Variants in SUGCT observed in about 807,000 individuals in gnomAD.
SUGCT encodes succinyl-CoA:glutarate-CoA transferase.
In SUGCT, 41 loss-of-function variants were observed where a neutral mutation model predicts 55.0. The observed-to-expected ratio is 0.74, with a 90% confidence interval of 0.58 to 0.97. SUGCT has a LOEUF of 0.97. Ranked by LOEUF, SUGCT falls within the 50% of genes least tolerant of loss-of-function variation. The probability of loss-of-function intolerance (pLI) is 0.00; values close to 1 mark genes in which losing one functional copy is unlikely to be tolerated. For synonymous variants in SUGCT, 187 were observed against 200.4 expected (o/e 0.93, Z 0.56); for missense variants, 568 against 547.8 (o/e 1.04, Z -0.37).
chr7:40,732,157 T>G (rs1345965439), intron 12 of SUGCT, among the ~76,000 whole-genome samples: 1 of 152,168 alleles, frequency 6.6e-6, no homozygotes, highest in Non-Finnish European at 1.5e-5. Flanking sequence ...TATGAAGGCT[T>G]TAGGGGAGAA....
At chr7:40,816,327 C>G (rs1791668539) in intron 13 of SUGCT, among the ~76,000 whole-genome samples, 1 of 152,166 alleles carries the variant, frequency 6.6e-6, no homozygotes, top group South Asian at 2.1e-4. Flanking sequence ...CCTAGGCTAG[C>G]CTGGGGAAAA....
chr7:40,325,943 C>G (rs1796010990), intron 9 of SUGCT, among the ~76,000 whole-genome samples: 1 of 106,662 alleles, frequency 9.4e-6, no homozygotes, highest in Non-Finnish European at 1.8e-5. Context: ...TTCTTCTAAT[C>G]TGTTTCCATT....
At position 40,246,741 on chromosome 7, in the gene SUGCT, C is replaced by T. The variant is rs1584450139; in HGVS notation, c.576+9015C>T. Among the ~76,000 whole-genome samples the T allele has an allele frequency of 3.3e-5, 5 of 151,942 alleles. No individual in the cohort carries two copies. The East Asian group carries it at 9.7e-4, about 29-fold the overall frequency. Reference sequence around the variant, plus strand: ...CCTCCCAAGTAGCTGGAATTGCAGGCACACGCCACCATGCCTGGCTATTTT... The same window carrying T: ...CCTCCCAAGTAGCTGGAATTGCAGGTACACGCCACCATGCCTGGCTATTTT... On this transcript the variant is annotated intron_variant, in intron 7 of 13. Transcript: ENST00000335693.
the SUGCT span, among the ~76,000 whole-genome samples, chr7:40,902,475 G>T: frequency 2.0e-5 from 3 of 151,184 alleles, no homozygotes; most frequent in African/African-American, 7.3e-5. Context: ...AGCTACTTAG[G>T]AGGCTGAGGC....
intron 6 of SUGCT, among the ~76,000 whole-genome samples, chr7:40,196,980 A>T (rs923769585): frequency 1.3e-5 from 2 of 152,076 alleles, no homozygotes; most frequent in Non-Finnish European, 2.9e-5. Context: ...GATTACGGGC[A>T]TGTACCACCT....
chr7:40,871,327 A>G, the SUGCT span, among the ~76,000 whole-genome samples: 1 of 152,186 alleles, frequency 6.6e-6, no homozygotes, highest in African/African-American at 2.4e-5. Context: ...ATGTCTGAAC[A>G]TCATCCTCTG....
chr7:40,357,834 T>C (rs1445168754), intron 9 of SUGCT, among the ~76,000 whole-genome samples: 2 of 152,184 alleles, frequency 1.3e-5, no homozygotes, highest in African/African-American at 2.4e-5. Context: ...CATTTAAACA[T>C]GTAAAGAACA....
At chr7:40,372,443 T>C (rs773210292) in intron 9 of SUGCT, among the ~76,000 whole-genome samples, 2 of 152,124 alleles carry the variant, frequency 1.3e-5, no homozygotes, top group Non-Finnish European at 2.9e-5. Flanking sequence ...CTTAATTTGA[T>C]TTTTAAAAAT....
At chr7:40,862,910 C>T (rs1319629911), downstream of SUGCT, among the ~76,000 whole-genome samples, 1 of 152,010 alleles carries the variant, frequency 6.6e-6, no homozygotes, top group African/African-American at 2.4e-5. Context: ...TTTGATCCAT[C>T]TCCTAGGGGT....
intron 8 of SUGCT, among the ~76,000 whole-genome samples, chr7:40,298,605 C>T (rs779164872): frequency 2.6e-5 from 4 of 152,152 alleles, no homozygotes; most frequent in African/African-American, 9.7e-5. Context: ...GGATACACTG[C>T]AGTCATTTGT....
At chr7:40,250,177 T>C (rs919056129) in intron 7 of SUGCT, among the ~76,000 whole-genome samples, 1 of 152,018 alleles carries the variant, frequency 6.6e-6, no homozygotes, top group Non-Finnish European at 1.5e-5. Context: ...GCAGGAGGAT[T>C]GCTTCAGCTC....
chr7:40,914,129 TG>T, the SUGCT span, among the ~76,000 whole-genome samples: 1 of 151,992 alleles, frequency 6.6e-6, no homozygotes, highest in Non-Finnish European at 1.5e-5. Flanking sequence ...AATTTTTGTC[TG>T]GGGATTTTCC....
chr7:40,595,779 T>C (rs894373998), intron 12 of SUGCT, among the ~76,000 whole-genome samples: 1 of 152,202 alleles, frequency 6.6e-6, no homozygotes, highest in South Asian at 2.1e-4. Context: ...GGAGATGATC[T>C]TTGCTAACAA....
At chr7:40,476,038 C>CA (rs1361852006) in intron 11 of SUGCT, among the ~76,000 whole-genome samples, 1 of 152,048 alleles carries the variant, frequency 6.6e-6, no homozygotes, top group Non-Finnish European at 1.5e-5. Flanking sequence ...CGTACTGTCT[C>CA]AGTTCTAATC....
At chr7:40,316,963 T>TTTTTTTTTG in intron 9 of SUGCT, 108 bp downstream of exon 9, 2 of 535,602 alleles carry the variant, frequency 3.7e-6, no homozygotes, top group South Asian at 7.0e-5. Flanking sequence ...CTGTTTTTTT[T>TTTTTTTTTG]TTTTTTTTTT....
At chr7:40,664,089 C>G (rs1049887131) in intron 12 of SUGCT, among the ~76,000 whole-genome samples, 1 of 152,150 alleles carries the variant, frequency 6.6e-6, no homozygotes, top group South Asian at 2.1e-4. Flanking sequence ...GGAACAGATT[C>G]TTCTCTTAAC....
intron 1 of SUGCT, among the ~76,000 whole-genome samples, chr7:40,166,773 G>T (rs994283276): frequency 6.6e-6 from 1 of 151,820 alleles, no homozygotes; most frequent in Admixed American, 6.6e-5. Context: ...TGTAATTCCA[G>T]CTACTTGGGA....
the SUGCT span, among the ~76,000 whole-genome samples, chr7:40,937,093 T>C: frequency 2.6e-5 from 4 of 152,204 alleles, no homozygotes; most frequent in Non-Finnish European, 5.9e-5. Context: ...ACCAAATAGA[T>C]GTCTGTTAGG....
At chr7:40,256,638 T>C (rs1039326409) in intron 7 of SUGCT, among the ~76,000 whole-genome samples, 4 of 152,198 alleles carry the variant, frequency 2.6e-5, no homozygotes, top group African/African-American at 7.2e-5. Flanking sequence ...GAATGAGGAT[T>C]CTCAATGGTC....
Sources: allele counts gnomAD v4.1 joint callset (sites outside exome capture counted in the v4.1 genomes callset), GRCh38; gene constraint gnomAD v4.1.1; transcripts MANE v1.5; gene names NCBI Gene and HGNC (gene_info 2026-07-23, HGNC 2026-07-21).